Variants in FYB2 observed in about 807,000 individuals in gnomAD.
FYB2 encodes the protein FYN binding protein 2, also known as FYN-binding protein 2.
Under a neutral mutation model 94.1 loss-of-function variants are expected in FYB2, and 103 were observed. The ratio of observed to expected loss-of-function variants is 1.09; its 90% CI spans 0.93 to 1.29. The LOEUF is 1.29. FYB2 is among the 50% of genes most tolerant of loss of function. FYB2 has a pLI of 0.00. For missense variants in FYB2, 896 were observed against 841.5 expected, an observed-to-expected ratio of 1.06 and a Z score of -0.80; for synonymous variants, 293 against 287.9, an observed-to-expected ratio of 1.02 and a Z score of -0.18.
In FYB2 at chr1:56,758,577, C is replaced by G; in HGVS notation, c.1098+139G>C. 9.6e-6 allele frequency: 6 copies of G among 626,548 alleles called. No individual in the cohort carries two copies. In the South Asian group the frequency reaches 1.4e-4, roughly 15 times the overall value. The allele number at this position is 626,548 out of a possible 1,614,324, so 38.8% of individuals were successfully genotyped here. A position where few individuals can be genotyped will look rare whatever the true frequency, so the allele number is the denominator to read the frequency against. ...GGCTCAAAGTGCAGACTCTTAGAAG[C>G]TGGAGTCTGGAAAATCCTCAGAAAT... On this transcript the variant is annotated intron_variant, in intron 6 of 19. Transcript: ENST00000343433.
At chr1:56,819,897 C>T (rs980014308), upstream of FYB2, among the ~76,000 whole-genome samples, 1 of 152,058 alleles carries the variant, frequency 6.6e-6, no homozygotes, top group African/African-American at 2.4e-5. Flanking sequence ...CTGTTTTTGG[C>T]CTGGTGTTTA....
intron 1 of FYB2, among the ~76,000 whole-genome samples, chr1:56,807,415 G>A (rs1465577164): frequency 6.6e-6 from 1 of 152,164 alleles, no homozygotes; most frequent in African/African-American, 2.4e-5. Flanking sequence ...TCTGGGGCAG[G>A]TTTTACAGGT....
At chr1:56,796,856 G>A (rs531895204) in intron 1 of FYB2, among the ~76,000 whole-genome samples, 2 of 152,234 alleles carry the variant, frequency 1.3e-5, no homozygotes, top group Admixed American at 1.3e-4. Flanking sequence ...ATTCCTGCTC[G>A]TTCAAAATTT....
intron 4 of FYB2, among the ~76,000 whole-genome samples, chr1:56,780,370 C>T (rs1645979907): frequency 6.6e-6 from 1 of 152,178 alleles, no homozygotes; most frequent in Admixed American, 6.5e-5. Context: ...TCAAGAACAC[C>T]TGCTCAAAGC....
At chr1:56,743,903 T>G in intron 11 of FYB2, 123 bp downstream of exon 11, 1 of 1,062,170 alleles carries the variant, frequency 9.4e-7, no homozygotes, top group Non-Finnish European at 1.4e-6. Context: ...ATTGCTTCTC[T>G]TAGCTTCCCA....
Position 56,792,154 on chromosome 1 carries a change from T to C in FYB2, c.659A>G (p.His220Arg), listed in dbSNP as rs755611914. Residue 220 changes from histidine to arginine, a missense_variant, in exon 2 of 20, where the codon CAT (histidine) becomes CGT (arginine). By Grantham distance (29) the His-to-Arg change is conservative. Transcript: ENST00000343433. The part of the protein sequence containing the change: ...SEDPSFVISQ[H>R]IRKSWENPPP... ...TGGGTTTTCCCAGCTTTTTCTGATA[T>C]GTTGAGAAATTACAAAAGAGGGATC... 4.3e-6 allele frequency: 7 copies of C among 1,613,932 alleles called. No homozygotes were observed. The South Asian group carries it at 5.5e-5, about 13-fold the overall frequency.
chr1:56,811,623 T>G (rs1646768957), intron 1 of FYB2, among the ~76,000 whole-genome samples: 1 of 152,172 alleles, frequency 6.6e-6, no homozygotes, highest in Non-Finnish European at 1.5e-5. Context: ...ACTATGTGGC[T>G]CAAACAAGAG....
At chr1:56,778,120 G>A (rs763152710) in intron 4 of FYB2, among the ~76,000 whole-genome samples, 1 of 152,056 alleles carries the variant, frequency 6.6e-6, no homozygotes, top group African/African-American at 2.4e-5. Flanking sequence ...CTACTACCTC[G>A]AAGACTTGGC....
chr1:56,737,225 A>T, intron 14 of FYB2, 78 bp from the exon 15 acceptor site: 1 of 1,041,006 alleles, frequency 9.6e-7, no homozygotes, highest in African/African-American at 1.6e-5. Context: ...ATTATACTCA[A>T]TTACCTAATT....
intron 5 of FYB2, among the ~76,000 whole-genome samples, chr1:56,760,445 A>G (rs554384454): frequency 1.3e-5 from 2 of 152,324 alleles, no homozygotes; most frequent in South Asian, 2.1e-4. Context: ...ATAATTAATA[A>G]TATGTATTTC....
upstream of FYB2, among the ~76,000 whole-genome samples, chr1:56,819,924 C>G (rs1277689348): frequency 2.0e-5 from 3 of 152,072 alleles, no homozygotes; most frequent in Non-Finnish European, 4.4e-5. Context: ...CATTTGGATT[C>G]CCATTTTAAA....
In FYB2 at chr1:56,763,388, T is replaced by A. The variant is rs140294915; in HGVS notation, c.1063+4441A>T. On this transcript the variant is annotated intron_variant, in intron 5 of 19. Transcript: ENST00000343433. ...TTCAGGGAAATCACCTGACTTAGAG[T>A]TCATTTTGGGGGAGTTTTTAAACTA... 2.4e-4 allele frequency among the ~76,000 whole-genome samples: 36 copies of A among 152,216 alleles called. 1 individual carries two copies. The East Asian group carries it at 6.0e-3, about 25-fold the overall frequency.
rs200646794 is a variant in FYB2, at chr1:56,723,609, T to C, written c.1953A>G (p.Lys651=). The C allele has an allele frequency of 1.3e-6, 2 of 1,555,776 alleles. No individual in the cohort carries two copies. Among genetic ancestry groups the C allele is most frequent in the African/African-American group, 1.4e-5 (1 of 73,242 alleles). Residue 651 remains lysine, a synonymous_variant, in exon 17 of 20, where the codon AAA becomes AAG. Coordinates refer to ENST00000343433, the MANE Select transcript of FYB2 (RefSeq NM_001004303.5). ...GTACCTTAAACCTTTCTCTAAATAG[T>C]TTTTCTTCTCTTTTCATTCTGTTCT... ...LEKNRMKREE[K]LFRERFKYDK...
intron 1 of FYB2, among the ~76,000 whole-genome samples, chr1:56,800,958 C>G (rs770694680): frequency 6.6e-6 from 1 of 152,148 alleles, no homozygotes; most frequent in African/African-American, 2.4e-5. Context: ...AAACATCAGG[C>G]CAGTGAGACT....
intron 1 of FYB2, among the ~76,000 whole-genome samples, chr1:56,818,183 G>C (rs1234005564): frequency 6.6e-6 from 1 of 152,024 alleles, no homozygotes; most frequent in East Asian, 1.9e-4. Context: ...TGGTCGAGGT[G>C]GGGGTGGCGG....
At chr1:56,818,800 GT>G (rs1380308383) in intron 1 of FYB2, among the ~76,000 whole-genome samples, 2 of 152,058 alleles carry the variant, frequency 1.3e-5, no homozygotes, top group Non-Finnish European at 2.9e-5. Flanking sequence ...AGGCCACACA[GT>G]TAACAAGGAG....
chr1:56,729,287 A>G (rs1486464496), intron 15 of FYB2, among the ~76,000 whole-genome samples: 1 of 152,120 alleles, frequency 6.6e-6, no homozygotes, highest in Admixed American at 6.6e-5. Flanking sequence ...TTGAGAAACA[A>G]TAAGACTGAA....
chr1:56,815,671 C>T (rs1424707668), intron 1 of FYB2, among the ~76,000 whole-genome samples: 3 of 152,136 alleles, frequency 2.0e-5, no homozygotes, highest in Non-Finnish European at 4.4e-5. Flanking sequence ...ATGGGAGTTT[C>T]CAGACTGGTT....
At chr1:56,790,635 G>A (rs554228337) in intron 2 of FYB2, among the ~76,000 whole-genome samples, 39 of 152,168 alleles carry the variant, frequency 2.6e-4, no homozygotes, top group Non-Finnish European at 4.7e-4. Flanking sequence ...TAGGAAGTGG[G>A]GATAGAGTTG....
Sources: gnomAD v4.1 joint callset for allele counts (sites outside exome capture counted in the v4.1 genomes callset) on GRCh38, gnomAD v4.1.1 for gene constraint, MANE v1.5 for transcripts, NCBI Gene and HGNC (gene_info 2026-07-23, HGNC 2026-07-21) for gene names.